Variants in LRRIQ3 observed in about 807,000 individuals in gnomAD.
LRRIQ3 encodes the protein leucine-rich repeat and IQ domain-containing protein 3.
Under a neutral mutation model 59.3 loss-of-function variants are expected in LRRIQ3, and 75 were observed. The observed-to-expected ratio is 1.26, with a 90% confidence interval of 1.05 to 1.53. The LOEUF (loss-of-function observed/expected upper bound fraction) is 1.53. Among genes scored for constraint, LRRIQ3 ranks in the 40% most tolerant of loss-of-function variants. LRRIQ3 has a pLI of 0.00. For synonymous variants in LRRIQ3, 250 were observed against 231.3 expected (o/e 1.08, Z -0.73); for missense variants, 831 against 710.0 (o/e 1.17, Z -1.94).
chr1:74,045,015 C>G (rs1370518338), intron 6 of LRRIQ3, among the ~76,000 whole-genome samples: 1 of 152,062 alleles, frequency 6.6e-6, no homozygotes. Flanking sequence ...GATTCACAGC[C>G]GAATTCTACT....
intron 6 of LRRIQ3, among the ~76,000 whole-genome samples, chr1:74,060,517 A>C (rs76085819): frequency 0.029 from 4,371 of 152,006 alleles, 201 homozygotes; most frequent in African/African-American, 0.1. Flanking sequence ...TTTAGCTGAA[A>C]CTCATAAGTT....
chr1:74,130,303 C>A (rs1309366054), intron 4 of LRRIQ3, among the ~76,000 whole-genome samples: 1 of 152,098 alleles, frequency 6.6e-6, no homozygotes, highest in Non-Finnish European at 1.5e-5. Context: ...AGCAACTTCC[C>A]TATGGCTATG....
rs1364959553 is a variant in LRRIQ3, at chr1:74,036,901, ATTAGTGAAGCTAC to A, written c.1718+4299_1718+4311del. 3.3e-5 allele frequency among the ~76,000 whole-genome samples: 5 copies of A among 152,340 alleles called. No homozygotes were observed. In the East Asian group the frequency reaches 7.7e-4, roughly 24 times the overall value. On this transcript the variant is annotated intron_variant, in intron 7 of 7. Transcript: ENST00000354431. ...ACTAAGAAGTTTACTTAGTCTAATG[ATTAGTGAAGCTAC>A]TTTCGTAACTTGGTTAATTACATTT...
At chr1:74,108,747 T>C (rs947055828) in intron 5 of LRRIQ3, 2 of 178,616 alleles carry the variant, frequency 1.1e-5, no homozygotes, top group African/African-American at 4.8e-5. Context: ...AATAAAATTA[T>C]AAAGATAAAA....
At chr1:74,136,340 C>G (rs1447131785) in intron 4 of LRRIQ3, among the ~76,000 whole-genome samples, 2 of 151,798 alleles carry the variant, frequency 1.3e-5, no homozygotes, top group East Asian at 1.9e-4. Context: ...ACATACTCCT[C>G]CAGAAATAGA....
chr1:74,181,902 A>G (rs1390598509), intron 3 of LRRIQ3: 1 of 151,782 alleles, frequency 6.6e-6, no homozygotes, highest in East Asian at 1.9e-4. Context: ...ACATATCTTT[A>G]GAACATATTA....
At chr1:74,141,044 T>C (rs1285363090) in intron 4 of LRRIQ3, among the ~76,000 whole-genome samples, 1 of 151,906 alleles carries the variant, frequency 6.6e-6, no homozygotes, top group East Asian at 1.9e-4. Context: ...CTGTAATATT[T>C]ATCATAGTAG....
At chr1:74,167,304 A>T (rs1027689442) in intron 3 of LRRIQ3, among the ~76,000 whole-genome samples, 2 of 152,012 alleles carry the variant, frequency 1.3e-5, no homozygotes, top group African/African-American at 4.8e-5. Flanking sequence ...TGGCATTTGC[A>T]GCAACCTGGA....
At position 74,187,013 on chromosome 1, in the gene LRRIQ3, A is replaced by G. The variant is rs112341650; in HGVS notation, c.1-3329T>C. 1.8e-3 allele frequency among the ~76,000 whole-genome samples: 271 copies of G among 152,210 alleles called. 2 individuals are homozygous for G. The highest frequency in any genetic ancestry group is 6.1e-3 in the African/African-American group (253 of 41,556). On this transcript the variant is annotated intron_variant, in intron 1 of 7. Transcript: ENST00000354431. ...AAACCTTACTCCTGCAAGAATGGCCATAATTAAAAAGTCAAAAAACAATAG... is the reference window on the plus strand; with the variant it reads ...AAACCTTACTCCTGCAAGAATGGCCGTAATTAAAAAGTCAAAAAACAATAG...
chr1:74,165,374 C>A (rs1648919011), intron 3 of LRRIQ3, among the ~76,000 whole-genome samples: 1 of 151,358 alleles, frequency 6.6e-6, no homozygotes, highest in Non-Finnish European at 1.5e-5. Flanking sequence ...AATTGTATTT[C>A]AAATTTTGGC....
intron 3 of LRRIQ3, among the ~76,000 whole-genome samples, chr1:74,162,871 AT>A (rs1648744549): frequency 6.6e-6 from 1 of 151,684 alleles, no homozygotes; most frequent in Non-Finnish European, 1.5e-5. Flanking sequence ...ATAGGAAAAG[AT>A]TTGTCAAAAG....
chr1:74,098,158 C>CTCATCT (rs1646474951), intron 5 of LRRIQ3, among the ~76,000 whole-genome samples: 1 of 70,332 alleles, frequency 1.4e-5, no homozygotes, highest in Admixed American at 1.6e-4. Context: ...ATTCAGGAGA[C>CTCATCT]TCATCTCACA....
At chr1:74,075,221 A>AT (rs1280415965) in intron 5 of LRRIQ3, among the ~76,000 whole-genome samples, 1 of 152,134 alleles carries the variant, frequency 6.6e-6, no homozygotes, top group Non-Finnish European at 1.5e-5. Context: ...AGGAGGGACA[A>AT]TAACAGGAAG....
At chr1:74,097,868 C>A (rs1241200214) in intron 5 of LRRIQ3, among the ~76,000 whole-genome samples, 1 of 152,128 alleles carries the variant, frequency 6.6e-6, no homozygotes, top group African/African-American at 2.4e-5. Flanking sequence ...GAGATTTTGT[C>A]ACCACCAGGC....
chr1:74,108,892 G>A, intron 5 of LRRIQ3: 6 of 400,588 alleles, frequency 1.5e-5, no homozygotes, highest in Non-Finnish European at 2.5e-5. Context: ...ATCTATCTAT[G>A]GTGCTACAGA....
chr1:74,191,300 A>C (rs1303032058), intron 1 of LRRIQ3, among the ~76,000 whole-genome samples: 1 of 152,278 alleles, frequency 6.6e-6, no homozygotes, highest in Non-Finnish European at 1.5e-5. Context: ...TGTTAAAAGA[A>C]GTTCTGAGAG....
chr1:74,131,245 C>T (rs1228973198), intron 4 of LRRIQ3, among the ~76,000 whole-genome samples: 1 of 151,932 alleles, frequency 6.6e-6, no homozygotes, highest in Admixed American at 6.6e-5. Context: ...AGCCTACAGA[C>T]CAAAAAAAGT....
chr1:74,109,245 C>G (rs1391415583), intron 5 of LRRIQ3, 149 bp downstream of exon 5: 1 of 662,412 alleles, frequency 1.5e-6, no homozygotes, highest in East Asian at 3.0e-5. Flanking sequence ...TACTATATAA[C>G]TTTTTTCAAT....
In LRRIQ3 at chr1:74,105,113, CAT is replaced by C. The variant is rs568679035; in HGVS notation, c.867+4279_867+4280del. On this transcript the variant is annotated intron_variant, in intron 5 of 7. Coordinates refer to ENST00000354431, the MANE Select transcript of LRRIQ3 (RefSeq NM_001105659.2). ...AAACGTTTTTATTTTGTAAATAAAA[CAT>C]ATTTGAATTTTTAAAAAGATGTATA... 4.0e-5 allele frequency among the ~76,000 whole-genome samples: 6 copies of C among 151,872 alleles called. No individual in the cohort carries two copies. In the East Asian group the frequency reaches 9.7e-4, roughly 25 times the overall value.
Sources: gnomAD v4.1 joint callset for allele counts (sites outside exome capture counted in the v4.1 genomes callset) on GRCh38, gnomAD v4.1.1 for gene constraint, MANE v1.5 for transcripts, NCBI Gene and HGNC (gene_info 2026-07-23, HGNC 2026-07-21) for gene names.